Variants in PDIA6 observed in about 807,000 individuals in gnomAD.
The protein encoded by PDIA6 is protein disulfide-isomerase A6.
A neutral mutation model predicts 58.4 loss-of-function variants in PDIA6; 29 were observed. The ratio of observed to expected loss-of-function variants is 0.50; its 90% confidence interval spans 0.37 to 0.68. PDIA6 has a LOEUF of 0.68. Ranked by LOEUF, PDIA6 falls within the 30% of genes least tolerant of loss-of-function variation. PDIA6 has a pLI of 0.00. For missense variants in PDIA6, 480 were observed against 551.0 expected, an observed-to-expected ratio of 0.87 and a Z score of 1.29; for synonymous variants, 192 against 202.6, an observed-to-expected ratio of 0.95 and a Z score of 0.44.
At position 10,819,959 on chromosome 2, in the gene PDIA6, G is replaced by T. The variant is rs1392515103; in HGVS notation, c.-47-605C>A. On this transcript the variant is annotated intron_variant, in intron 1 of 13. Coordinates refer to the PDIA6 transcript ENST00000381611. ...GTCCTGCTGGTCTCTATTAGATGGG[G>T]CCACCATGTGTTGTGTTTCGTTTAA... Among the ~76,000 whole-genome samples the T allele has an allele frequency of 2.0e-5, 3 of 152,264 alleles. No homozygotes were observed. In the East Asian group the frequency reaches 5.8e-4, roughly 29 times the overall value.
intron 1 of PDIA6, chr2:10,821,013 G>C (rs1312158066): frequency 1.2e-5 from 7 of 575,468 alleles, no homozygotes; most frequent in Middle Eastern, 3.2e-4. Context: ...GAAGGGGAGG[G>C]GGGTGGATTC....
intron 1 of PDIA6, among the ~76,000 whole-genome samples, chr2:10,830,440 G>A (rs1667677904): frequency 1.3e-5 from 2 of 152,188 alleles, no homozygotes; most frequent in South Asian, 2.1e-4. Flanking sequence ...CTTTTCCTGC[G>A]GGCACAGCTA....
intron 6 of PDIA6, 116 bp from the exon 7 acceptor site, chr2:10,790,949 A>C: frequency 1.5e-6 from 1 of 684,304 alleles, no homozygotes; most frequent in Non-Finnish European, 2.6e-6. Context: ...TCCTGGGCTC[A>C]GGTGATCTCA....
intron 4 of PDIA6, among the ~76,000 whole-genome samples, chr2:10,795,906 A>G (rs117894743): frequency 2.0e-5 from 3 of 152,366 alleles, no homozygotes; most frequent in East Asian, 3.9e-4. Flanking sequence ...TCAGTCACTC[A>G]TATGTTCCAT....
At chr2:10,812,437 C>G (rs1248628364) in intron 1 of PDIA6, among the ~76,000 whole-genome samples, 1 of 151,776 alleles carries the variant, frequency 6.6e-6, no homozygotes, top group South Asian at 2.1e-4. Context: ...CTCCAGCGCA[C>G]GAGGCTCCCG....
upstream of PDIA6, among the ~76,000 whole-genome samples, chr2:10,834,184 A>G (rs189840019): frequency 4.8e-4 from 73 of 152,338 alleles, no homozygotes; most frequent in Admixed American, 4.7e-3. Context: ...CAATTGCATG[A>G]TTTCAAAAGG....
intron 1 of PDIA6, among the ~76,000 whole-genome samples, chr2:10,826,896 C>T (rs573935809): frequency 2.6e-5 from 4 of 152,296 alleles, no homozygotes; most frequent in Admixed American, 6.5e-5. Flanking sequence ...TTCCTGCCTT[C>T]GGGCCTTGGC....
chr2:10,832,710 C>T (rs1358606491), upstream of PDIA6, among the ~76,000 whole-genome samples: 1 of 152,204 alleles, frequency 6.6e-6, no homozygotes, highest in African/African-American at 2.4e-5. Context: ...CAGCATCTCC[C>T]GCCTCGGTCT....
chr2:10,788,568 G>GAAAA lies in PDIA6; in HGVS notation c.998+125_998+128dup, dbSNP rs139639749. ...CTACTTGGGAGGCTGAGGCAGGAGG[G>GAAAA]AAAAAAAAAAAAAACATATAGCAGA... On this transcript the variant is annotated intron_variant, in intron 10 of 12. Transcript: ENST00000272227. 3.9e-4 allele frequency: 236 copies of GAAAA among 602,452 alleles called. 1 individual carries two copies. The highest frequency in any genetic ancestry group is 5.0e-4 in the South Asian group (25 of 49,686). The allele number at this position is 602,452 out of a possible 1,614,324, so 37.3% of individuals were successfully genotyped here.
At chr2:10,836,906 A>G (rs1196599977), upstream of PDIA6, among the ~76,000 whole-genome samples, 3 of 152,034 alleles carry the variant, frequency 2.0e-5, no homozygotes, top group East Asian at 1.9e-4. Context: ...CCATGCCTCA[A>G]CCCTCTCTGA....
intron 1 of PDIA6, among the ~76,000 whole-genome samples, chr2:10,807,385 G>A (rs973101777): frequency 6.6e-6 from 1 of 152,054 alleles, no homozygotes; most frequent in East Asian, 1.9e-4. Flanking sequence ...TAAATTTTTT[G>A]TAGAGACAGG....
chr2:10,818,301 A>G (rs750791322), intron 2 of PDIA6, among the ~76,000 whole-genome samples: 8 of 151,086 alleles, frequency 5.3e-5, no homozygotes, highest in Non-Finnish European at 1.2e-4. Flanking sequence ...CAGCTGGACT[A>G]CAGATGAAAG....
At chr2:10,806,721 A>G (rs1666782897) in intron 1 of PDIA6, among the ~76,000 whole-genome samples, 1 of 152,032 alleles carries the variant, frequency 6.6e-6, no homozygotes, top group Admixed American at 6.6e-5. Flanking sequence ...CAGTCATGCA[A>G]GCTGCATTCA....
chr2:10,793,971 T>C (rs1666153565), intron 4 of PDIA6, among the ~76,000 whole-genome samples: 1 of 152,146 alleles, frequency 6.6e-6, no homozygotes, highest in African/African-American at 2.4e-5. Flanking sequence ...CTAATATAAG[T>C]AACAAATCTG....
chr2:10,822,858 C>T (rs114642949), intron 1 of PDIA6, among the ~76,000 whole-genome samples: 1 of 152,244 alleles, frequency 6.6e-6, no homozygotes, highest in African/African-American at 2.4e-5. Flanking sequence ...TCTGAGGAGA[C>T]AAGCTGTGAG....
At chr2:10,799,873 G>T (rs1666427807) in intron 2 of PDIA6, among the ~76,000 whole-genome samples, 1 of 150,344 alleles carries the variant, frequency 6.7e-6, no homozygotes, top group African/African-American at 2.5e-5. Context: ...CAAAGGGCTG[G>T]TGGATAAAAA....
chr2:10,789,049 A>T (rs1017403011), intron 8 of PDIA6, 68 bp from the exon 9 acceptor site: 2 of 1,124,876 alleles, frequency 1.8e-6, no homozygotes, highest in South Asian at 2.5e-5. Context: ...GTAAGCTGGC[A>T]AACAAGACCT....
intron 2 of PDIA6, among the ~76,000 whole-genome samples, chr2:10,800,720 C>G (rs1666473702): frequency 6.6e-6 from 1 of 151,890 alleles, no homozygotes; most frequent in African/African-American, 2.4e-5. Context: ...CCCACCTCAG[C>G]CTCCTGAGTA....
In PDIA6 at chr2:10,818,479, TTAA is replaced by T. The variant is rs1363684171; in HGVS notation, c.34+792_34+794del. On this transcript the variant is annotated intron_variant, in intron 2 of 13. Coordinates refer to the PDIA6 transcript ENST00000381611. Reference sequence around the variant, plus strand: ...ACTGTGCCCAGCTCACTTTAACCATTTAATTTATTTATTTATTTATTTATTTAT... The same window carrying T: ...ACTGTGCCCAGCTCACTTTAACCATTTTTATTTATTTATTTATTTATTTAT... Among the ~76,000 whole-genome samples the T allele has an allele frequency of 8.2e-5, 5 of 61,250 alleles. No homozygotes were observed. The South Asian group carries it at 2.4e-3, about 30-fold the overall frequency. 40.2% of individuals were successfully genotyped at this position (61,250 alleles called of 152,430 possible). A position where few individuals can be genotyped will look rare whatever the true frequency, so the allele number is the denominator to read the frequency against.
Sources: gnomAD v4.1 joint callset for allele counts (sites outside exome capture counted in the v4.1 genomes callset) on GRCh38, gnomAD v4.1.1 for gene constraint, MANE v1.5 for transcripts, NCBI Gene and HGNC (gene_info 2026-07-23, HGNC 2026-07-21) for gene names.